Variants in PRKG1 observed in about 807,000 individuals in gnomAD.
PRKG1 encodes the protein protein kinase cGMP-dependent 1, also known as cGMP-dependent protein kinase 1.
Under a neutral mutation model 88.1 loss-of-function variants are expected in PRKG1, and 35 were observed. That is an observed-to-expected ratio of 0.40 (90% CI 0.30 to 0.53). PRKG1 has a LOEUF of 0.53. Among genes scored for constraint, PRKG1 ranks in the 20% least tolerant of loss-of-function variants. PRKG1 has a pLI of 0.59. For missense variants in PRKG1, 540 were observed against 839.8 expected (o/e 0.64, Z 4.41); for synonymous variants, 303 against 292.5 (o/e 1.04, Z -0.37).
At chr10:52,139,300 G>A (rs2132646458) in intron 8 of PRKG1, among the ~76,000 whole-genome samples, 1 of 152,226 alleles carries the variant, frequency 6.6e-6, no homozygotes, top group Non-Finnish European at 1.5e-5. Flanking sequence ...TCCTTTACCA[G>A]TACTAGTAGG....
At chr10:51,287,283 G>C (rs965032245) in intron 2 of PRKG1, among the ~76,000 whole-genome samples, 2 of 152,096 alleles carry the variant, frequency 1.3e-5, no homozygotes, top group Admixed American at 6.6e-5. Flanking sequence ...GGGCCAGGTG[G>C]TATATAGACA....
At chr10:52,115,553 A>G (rs933071747) in intron 7 of PRKG1, among the ~76,000 whole-genome samples, 3 of 152,064 alleles carry the variant, frequency 2.0e-5, no homozygotes, top group African/African-American at 7.2e-5. Flanking sequence ...TTCTTATCTA[A>G]GACATCACCT....
chr10:52,132,547 T>C (rs1837293670), intron 7 of PRKG1, among the ~76,000 whole-genome samples: 1 of 152,068 alleles, frequency 6.6e-6, no homozygotes, highest in Non-Finnish European at 1.5e-5. Context: ...ATGTAATGTG[T>C]TTCAAAAGTA....
At chr10:52,163,327 A>G (rs991977771) in intron 9 of PRKG1, among the ~76,000 whole-genome samples, 1 of 148,510 alleles carries the variant, frequency 6.7e-6, no homozygotes, top group Non-Finnish European at 1.5e-5. Context: ...GTAATTTTAT[A>G]TGTATTACAA....
chr10:51,103,073 T>G (rs988245294), intron 1 of PRKG1, among the ~76,000 whole-genome samples: 1 of 151,916 alleles, frequency 6.6e-6, no homozygotes, highest in East Asian at 1.9e-4. Flanking sequence ...AAAAACTCAA[T>G]TAAGATATGG....
In PRKG1 at chr10:52,135,692, G is replaced by A. The variant is rs78429944; in HGVS notation, c.1001+1787G>A. 9.5e-4 allele frequency among the ~76,000 whole-genome samples: 145 copies of A among 152,174 alleles called. 2 individuals are homozygous for A. The East Asian group carries it at 0.015, about 16-fold the overall frequency. On this transcript the variant is annotated intron_variant, in intron 8 of 17. Transcript: ENST00000373980. Reference sequence around the variant, plus strand: ...GTAGAAAAATCAGTTTGGTAGGTACGATGACATTCTACTAAGAATGTAATG... The same window carrying A: ...GTAGAAAAATCAGTTTGGTAGGTACAATGACATTCTACTAAGAATGTAATG...
intron 3 of PRKG1, among the ~76,000 whole-genome samples, chr10:51,597,826 A>G (rs1238616670): frequency 6.6e-6 from 1 of 152,222 alleles, no homozygotes; most frequent in Non-Finnish European, 1.5e-5. Flanking sequence ...ACATTCCTCA[A>G]AAGAATGAGA....
At chr10:51,665,481 T>A (rs1413371831) in intron 3 of PRKG1, among the ~76,000 whole-genome samples, 1 of 152,174 alleles carries the variant, frequency 6.6e-6, no homozygotes, top group Non-Finnish European at 1.5e-5. Context: ...AGTAAACTAT[T>A]ATCCACCCAT....
intron 3 of PRKG1, among the ~76,000 whole-genome samples, chr10:51,534,688 A>G (rs567471489): frequency 2.0e-5 from 3 of 151,692 alleles, no homozygotes; most frequent in Admixed American, 2.0e-4. Context: ...AAAAAGAAAG[A>G]AAGAAAGGCA....
At chr10:51,421,172 G>A (rs571502345) in intron 2 of PRKG1, among the ~76,000 whole-genome samples, 30 of 152,106 alleles carry the variant, frequency 2.0e-4, no homozygotes, top group African/African-American at 6.5e-4. Context: ...TTGTTTGTTT[G>A]TTTGTTTGTT....
At chr10:51,486,082 C>A (rs1464353996) in intron 3 of PRKG1, among the ~76,000 whole-genome samples, 1 of 152,108 alleles carries the variant, frequency 6.6e-6, no homozygotes, top group Non-Finnish European at 1.5e-5. Context: ...TTAAGTACAG[C>A]ATTATAAAAT....
At chr10:51,852,110 A>G (rs1840570041) in intron 4 of PRKG1, among the ~76,000 whole-genome samples, 1 of 150,606 alleles carries the variant, frequency 6.6e-6, no homozygotes, top group African/African-American at 2.4e-5. Flanking sequence ...TTAGACTTAT[A>G]TATATATTTA....
intron 2 of PRKG1, among the ~76,000 whole-genome samples, chr10:51,452,625 A>T (rs1457965049): frequency 6.6e-6 from 1 of 152,016 alleles, no homozygotes; most frequent in Admixed American, 6.6e-5. Flanking sequence ...CCATCACTGC[A>T]TCCCTGGTAT....
rs544563992 is a variant in PRKG1 at position 52,255,606 on chromosome 10, A to G, written c.1173+3940A>G. The stretch of plus-strand genomic sequence containing the variant: ...TGAGCTCTATGATTGAAGATAAAAA[A>G]TTTAATAAATAGAATAGTTCTTAGC... On this transcript the variant is annotated intron_variant, in intron 10 of 17. Transcript: ENST00000373980. 3.3e-5 allele frequency among the ~76,000 whole-genome samples: 5 copies of G among 152,108 alleles called. No homozygotes were observed. In the East Asian group the frequency reaches 5.8e-4, roughly 18 times the overall value.
chr10:52,013,351 G>A (rs536790440), intron 5 of PRKG1, among the ~76,000 whole-genome samples: 22 of 151,948 alleles, frequency 1.4e-4, no homozygotes, highest in Non-Finnish European at 2.9e-4. Context: ...CCTGGGAGGC[G>A]GAGCTTGCAG....
chr10:51,200,935 A>G (rs1030752826), intron 2 of PRKG1, among the ~76,000 whole-genome samples: 4 of 152,178 alleles, frequency 2.6e-5, no homozygotes, highest in African/African-American at 9.7e-5. Context: ...GTTTTAGGGA[A>G]AGATTTGGCT....
intron 8 of PRKG1, among the ~76,000 whole-genome samples, chr10:52,135,364 A>G (rs1163860423): frequency 6.6e-6 from 1 of 152,160 alleles, no homozygotes; most frequent in Non-Finnish European, 1.5e-5. Flanking sequence ...GCACTGGTTC[A>G]CTGAGAAAAT....
intron 4 of PRKG1, among the ~76,000 whole-genome samples, chr10:51,845,081 G>C (rs1465938426): frequency 6.6e-6 from 1 of 152,158 alleles, no homozygotes; most frequent in Non-Finnish European, 1.5e-5. Context: ...TGGTTGGCCA[G>C]CTACCTCACC....
chr10:51,596,375 G>A (rs949313958), intron 3 of PRKG1, among the ~76,000 whole-genome samples: 1 of 152,082 alleles, frequency 6.6e-6, no homozygotes, highest in East Asian at 1.9e-4. Context: ...CTTCCTAAGG[G>A]ACACACTTCA....
Sources: gnomAD v4.1 joint callset for allele counts (sites outside exome capture counted in the v4.1 genomes callset) on GRCh38, gnomAD v4.1.1 for gene constraint, MANE v1.5 for transcripts, NCBI Gene and HGNC (gene_info 2026-07-23, HGNC 2026-07-21) for gene names.